Variants in DAAM1 observed in about 807,000 individuals in gnomAD.
DAAM1 encodes disheveled-associated activator of morphogenesis 1.
DAAM1 carries 52 observed loss-of-function variants against 130.0 expected under a neutral mutation model. The observed-to-expected ratio is 0.40, with a 90% confidence interval of 0.32 to 0.50. The LOEUF is 0.50. Ranked by LOEUF, DAAM1 falls within the 20% of genes least tolerant of loss-of-function variation. The probability of loss-of-function intolerance (pLI) is 0.61; values close to 1 mark genes in which losing one functional copy is unlikely to be tolerated. For missense variants in DAAM1, 1,134 were observed against 1,303.8 expected (o/e 0.87, Z 2.01); for synonymous variants, 452 against 444.5 (o/e 1.02, Z -0.21).
intron 1 of DAAM1, among the ~76,000 whole-genome samples, chr14:59,225,183 A>G (rs1048423010): frequency 5.9e-5 from 9 of 151,984 alleles, no homozygotes; most frequent in African/African-American, 2.2e-4. Context: ...ATGCGCCACC[A>G]GGCCCAGCTA....
At chr14:59,217,279 G>A (rs544346948) in intron 1 of DAAM1, among the ~76,000 whole-genome samples, 10 of 152,218 alleles carry the variant, frequency 6.6e-5, no homozygotes, top group Non-Finnish European at 1.2e-4. Context: ...AGGGCAGTAA[G>A]GATTTAGAAT....
chr14:59,342,767 C>T (rs1007599267), intron 16 of DAAM1, among the ~76,000 whole-genome samples: 5 of 152,114 alleles, frequency 3.3e-5, no homozygotes, highest in South Asian at 2.1e-4. Flanking sequence ...ACATGGAGCC[C>T]GGCCATGTAG....
At chr14:59,307,503 G>A (rs1318492847) in intron 3 of DAAM1, among the ~76,000 whole-genome samples, 2 of 152,164 alleles carry the variant, frequency 1.3e-5, no homozygotes, top group African/African-American at 4.8e-5. Flanking sequence ...TTAGAGAATT[G>A]ATAAAGAGGG....
At chr14:59,238,858 T>G (rs1463366656) in intron 1 of DAAM1, among the ~76,000 whole-genome samples, 4 of 152,188 alleles carry the variant, frequency 2.6e-5, no homozygotes, top group African/African-American at 9.7e-5. Flanking sequence ...ATTTCAAAGA[T>G]AATTTGAATG....
chr14:59,207,307 A>G (rs1223500334), intron 1 of DAAM1, among the ~76,000 whole-genome samples: 1 of 152,216 alleles, frequency 6.6e-6, no homozygotes, highest in East Asian at 1.9e-4. Context: ...TTTGCTATGG[A>G]CAAGAGGCAT....
chr14:59,353,759 G>A (rs181013047), intron 18 of DAAM1, 117 bp from the exon 19 acceptor site: 344 of 835,198 alleles, frequency 4.1e-4, no homozygotes, highest in Non-Finnish European at 5.9e-4. Flanking sequence ...TATGTGTGTC[G>A]GGGGAGTGGG....
intron 2 of DAAM1, among the ~76,000 whole-genome samples, chr14:59,273,688 CAATACAGGTGTCAAAAGGCTGGAGG>C (rs1882827393): frequency 6.6e-6 from 1 of 152,108 alleles, no homozygotes; most frequent in African/African-American, 2.4e-5. Context: ...TCATATAAGC[CAATACAGGTGTCAAAAGGCTGGAGG>C]AATAATTTGA....
intron 17 of DAAM1, among the ~76,000 whole-genome samples, chr14:59,350,700 G>T (rs1388133060): frequency 6.6e-6 from 1 of 152,088 alleles, no homozygotes; most frequent in Non-Finnish European, 1.5e-5. Context: ...TAGTTTCTTG[G>T]GGGTGTTGGC....
chr14:59,199,556 C>T (rs186424127), intron 1 of DAAM1, among the ~76,000 whole-genome samples: 1 of 152,362 alleles, frequency 6.6e-6, no homozygotes, highest in East Asian at 1.9e-4. Context: ...TTACCACACT[C>T]TAGTGCCTAA....
chr14:59,189,505 G>A lies in DAAM1; in HGVS notation c.-38+737G>A, dbSNP rs568727327. ...TTTGCCGCCCGTCCCTCTCGGGAGG[G>A]CGCATCTCAGTCTCCACGGTCCCTT... On this transcript the variant is annotated intron_variant, in intron 1 of 24. Transcript: ENST00000360909. Among the ~76,000 whole-genome samples, 5 of 152,268 alleles carry A rather than the reference G, an allele frequency of 3.3e-5. No homozygotes were observed. In the South Asian group the frequency reaches 1.0e-3, roughly 32 times the overall value.
chr14:59,326,698 A>G, intron 11 of DAAM1, 50 bp downstream of exon 11: 2 of 1,594,432 alleles, frequency 1.3e-6, no homozygotes, highest in African/African-American at 1.4e-5. Flanking sequence ...ACAATGTAAG[A>G]TATTTATTTT....
intron 2 of DAAM1, among the ~76,000 whole-genome samples, chr14:59,274,203 A>T (rs903435670): frequency 4.6e-5 from 7 of 152,208 alleles, no homozygotes; most frequent in Admixed American, 2.6e-4. Context: ...TGTTGGCAAG[A>T]TCCAAAAGCA....
intron 19 of DAAM1, 45 bp downstream of exon 19, chr14:59,354,009 A>T (rs755115952): frequency 4.5e-5 from 72 of 1,585,902 alleles, no homozygotes; most frequent in Non-Finnish European, 6.0e-5. Flanking sequence ...CATCATTACA[A>T]CCCATTTAAA....
intron 1 of DAAM1, among the ~76,000 whole-genome samples, chr14:59,236,863 T>G (rs1343192034): frequency 1.3e-5 from 2 of 152,180 alleles, no homozygotes; most frequent in Non-Finnish European, 2.9e-5. Context: ...AAACTTCTCT[T>G]GTTTCATGTA....
intron 1 of DAAM1, among the ~76,000 whole-genome samples, chr14:59,236,269 T>C (rs1476235751): frequency 6.6e-6 from 1 of 151,986 alleles, no homozygotes; most frequent in Non-Finnish European, 1.5e-5. Context: ...GTAGGTGTTG[T>C]TTTGTTTTGT....
chr14:59,324,344 C>A lies in DAAM1; in HGVS notation c.886-7C>A. On this transcript the variant is annotated splice_polypyrimidine_tract_variant and splice_region_variant and intron_variant, in intron 7 of 24. Coordinates refer to ENST00000360909, the MANE Select transcript of DAAM1 (RefSeq NM_001270520.2). ...AAATATGTATTTTATTGCCATTTTA[C>A]TTTCAGGAGAGTTTGGACTTTAGAC... The A allele has an allele frequency of 6.4e-7, 1 of 1,553,692 alleles. No individual in the cohort carries two copies. Among genetic ancestry groups the A allele is most frequent in the South Asian group, 1.3e-5 (1 of 76,136 alleles).
intron 1 of DAAM1, among the ~76,000 whole-genome samples, chr14:59,192,173 T>C (rs1484244096): frequency 1.3e-5 from 2 of 151,308 alleles, no homozygotes; most frequent in Non-Finnish European, 2.9e-5. Context: ...TGTGTGTGTG[T>C]GTGTGTGTGT....
At chr14:59,356,247 T>C (rs1472709006) in intron 20 of DAAM1, among the ~76,000 whole-genome samples, 2 of 152,222 alleles carry the variant, frequency 1.3e-5, no homozygotes, top group African/African-American at 2.4e-5. Flanking sequence ...TTACCCTATA[T>C]TTTCTATAGG....
intron 15 of DAAM1, among the ~76,000 whole-genome samples, chr14:59,339,038 A>G (rs1885743767): frequency 6.6e-6 from 1 of 152,352 alleles, no homozygotes; most frequent in East Asian, 1.9e-4. Context: ...TAGAACTGAT[A>G]ATGTTAGATG....
Sources: gnomAD v4.1 joint callset for allele counts (sites outside exome capture counted in the v4.1 genomes callset) on GRCh38, gnomAD v4.1.1 for gene constraint, MANE v1.5 for transcripts, NCBI Gene and HGNC (gene_info 2026-07-23, HGNC 2026-07-21) for gene names.